The following CDH13 variants were observed in gnomAD, a reference collection of about 807,000 sequenced individuals.
CDH13 encodes the protein cadherin-13.
A neutral mutation model predicts 63.8 loss-of-function variants in CDH13; 24 were observed. That is an observed-to-expected ratio of 0.38 (90% CI 0.27 to 0.53). CDH13 has a LOEUF of 0.53. Among genes scored for constraint, CDH13 ranks in the 20% least tolerant of loss-of-function variants. The probability of loss-of-function intolerance (pLI) is 0.85; values close to 1 mark genes in which losing one functional copy is unlikely to be tolerated. For synonymous variants in CDH13, 503 were observed against 355.3 expected (o/e 1.42, Z -4.67); for missense variants, 1,049 against 903.1 (o/e 1.16, Z -2.07).
intron 5 of CDH13, among the ~76,000 whole-genome samples, chr16:83,284,057 C>T (rs536578560): frequency 1.3e-5 from 2 of 152,184 alleles, no homozygotes; most frequent in Non-Finnish European, 1.5e-5. Flanking sequence ...AACCAAGCCC[C>T]TGTAGTCTGT....
At chr16:83,494,674 A>T (rs1227442722) in intron 7 of CDH13, among the ~76,000 whole-genome samples, 1 of 152,216 alleles carries the variant, frequency 6.6e-6, no homozygotes, top group African/African-American at 2.4e-5. Flanking sequence ...TCCACTGGAA[A>T]GCAGTTTGCA....
chr16:83,291,100 G>A (rs1223764869), intron 5 of CDH13, among the ~76,000 whole-genome samples: 1 of 152,136 alleles, frequency 6.6e-6, no homozygotes, highest in Non-Finnish European at 1.5e-5. Context: ...GTTGTTCAAA[G>A]CGGCAAGCTA....
chr16:82,816,341 A>T (rs1191171802), intron 1 of CDH13, among the ~76,000 whole-genome samples: 1 of 152,092 alleles, frequency 6.6e-6, no homozygotes, highest in Non-Finnish European at 1.5e-5. Flanking sequence ...ACAGCAGTGG[A>T]CACACAGACA....
chr16:83,675,236 G>A (rs573554829), intron 9 of CDH13, among the ~76,000 whole-genome samples: 1 of 152,290 alleles, frequency 6.6e-6, no homozygotes, highest in South Asian at 2.1e-4. Flanking sequence ...ACAGCACTCC[G>A]AGGGGATTAG....
intron 4 of CDH13, among the ~76,000 whole-genome samples, chr16:83,165,714 T>C (rs1403816167): frequency 1.3e-5 from 2 of 152,228 alleles, no homozygotes; most frequent in Middle Eastern, 6.8e-3. Flanking sequence ...GTTTCCAAGA[T>C]GGCTTAAAAA....
intron 1 of CDH13, among the ~76,000 whole-genome samples, chr16:82,789,587 T>G (rs147019796): frequency 6.6e-6 from 1 of 152,192 alleles, no homozygotes; most frequent in African/African-American, 2.4e-5. Context: ...TGCACAAGGA[T>G]AGAAACAAAT....
At chr16:83,032,885 G>C (rs1353517351) in intron 3 of CDH13, among the ~76,000 whole-genome samples, 2 of 152,154 alleles carry the variant, frequency 1.3e-5, no homozygotes, top group African/African-American at 2.4e-5. Flanking sequence ...ATGGATGGTG[G>C]ATAGACCAGA....
At chr16:82,707,680 G>A (rs910256146) in intron 1 of CDH13, among the ~76,000 whole-genome samples, 3 of 152,138 alleles carry the variant, frequency 2.0e-5, no homozygotes, top group East Asian at 1.9e-4. Flanking sequence ...GGTAACACCC[G>A]TTGCCCTCTT....
intron 3 of CDH13, among the ~76,000 whole-genome samples, chr16:83,119,569 C>T (rs899862884): frequency 6.6e-6 from 1 of 152,168 alleles, no homozygotes; most frequent in African/African-American, 2.4e-5. Context: ...GCTCTTCTGC[C>T]TTTTGTAACT....
chr16:83,588,819 G>C (rs1267858933), intron 7 of CDH13, among the ~76,000 whole-genome samples: 1 of 152,196 alleles, frequency 6.6e-6, no homozygotes, highest in Non-Finnish European at 1.5e-5. Flanking sequence ...GGGAAGGCAG[G>C]CCCCCTGGGA....
At chr16:83,504,162 A>G (rs1357108781) in intron 7 of CDH13, among the ~76,000 whole-genome samples, 1 of 152,206 alleles carries the variant, frequency 6.6e-6, no homozygotes, top group African/African-American at 2.4e-5. Context: ...CTCTGAATGG[A>G]CATAGCCCAT....
intron 2 of CDH13, among the ~76,000 whole-genome samples, chr16:82,918,459 C>A (rs1243442185): frequency 6.6e-6 from 1 of 150,624 alleles, no homozygotes; most frequent in Admixed American, 6.6e-5. Context: ...GGAATAAGTT[C>A]CTAGAAATAG....
rs978340353 is a variant in CDH13, at chr16:82,784,682, G to A, written c.46-73680G>A. Among the ~76,000 whole-genome samples, 8 of 152,278 alleles carry A rather than the reference G, an allele frequency of 5.3e-5. No individual in the cohort carries two copies. The South Asian group carries it at 8.3e-4, about 16-fold the overall frequency. On this transcript the variant is annotated intron_variant, in intron 1 of 13. Coordinates refer to ENST00000567109, the MANE Select transcript of CDH13 (RefSeq NM_001257.5). Reference sequence around the variant, plus strand: ...ATAGGGGAAAACTTCAGGGCACCATGAGAGCTGGTAACTCTCTCTATGGTG... The same window carrying A: ...ATAGGGGAAAACTTCAGGGCACCATAAGAGCTGGTAACTCTCTCTATGGTG...
At chr16:82,648,812 T>C (rs1447017740) in intron 1 of CDH13, among the ~76,000 whole-genome samples, 1 of 152,180 alleles carries the variant, frequency 6.6e-6, no homozygotes, top group Non-Finnish European at 1.5e-5. Context: ...GTGAAAGTTT[T>C]AAAGAAGGGA....
intron 1 of CDH13, among the ~76,000 whole-genome samples, chr16:82,858,022 T>A (rs1453199974): frequency 6.6e-6 from 1 of 152,190 alleles, no homozygotes; most frequent in Non-Finnish European, 1.5e-5. Flanking sequence ...AAAAATGAAG[T>A]TGGTTTTAGC....
chr16:83,069,209 T>A (rs2032253403), intron 3 of CDH13, among the ~76,000 whole-genome samples: 1 of 152,206 alleles, frequency 6.6e-6, no homozygotes. Flanking sequence ...TAATCAGTGG[T>A]CTCAATGTCA....
intron 3 of CDH13, among the ~76,000 whole-genome samples, chr16:83,120,036 C>A (rs1221234512): frequency 6.2e-5 from 5 of 80,916 alleles, no homozygotes; most frequent in African/African-American, 2.1e-4. Context: ...GATGTCCTGA[C>A]TTCAGTCGTT....
chr16:83,223,727 G>C (rs1185855692), intron 5 of CDH13, among the ~76,000 whole-genome samples: 1 of 152,238 alleles, frequency 6.6e-6, no homozygotes, highest in African/African-American at 2.4e-5. Context: ...GTGCAAGAGA[G>C]CTGGGTCAAC....
chr16:83,431,907 C>T (rs2072122775), intron 6 of CDH13, among the ~76,000 whole-genome samples: 1 of 152,132 alleles, frequency 6.6e-6, no homozygotes, highest in Non-Finnish European at 1.5e-5. Context: ...ATTACGTGAA[C>T]TTGGAATTTT....
Sources: gnomAD v4.1 joint callset for allele counts (sites outside exome capture counted in the v4.1 genomes callset) on GRCh38, gnomAD v4.1.1 for gene constraint, MANE v1.5 for transcripts, NCBI Gene and HGNC (gene_info 2026-07-23, HGNC 2026-07-21) for gene names.